Variants in CEP83 observed in about 807,000 individuals in gnomAD.
The protein encoded by CEP83 is centrosomal protein 83.
Under a neutral mutation model 101.9 loss-of-function variants are expected in CEP83, and 70 were observed. The observed-to-expected ratio is 0.69, with a 90% CI of 0.57 to 0.84. CEP83 has a LOEUF of 0.84. Ranked by LOEUF, CEP83 falls within the 40% of genes least tolerant of loss-of-function variation. The pLI, the probability that CEP83 is intolerant of heterozygous loss-of-function variation, is 0.00. For missense variants in CEP83, 715 were observed against 787.2 expected (o/e 0.91, Z 1.10); for synonymous variants, 264 against 267.9 (o/e 0.99, Z 0.14).
chr12:94,347,030 C>A (rs1360172108), intron 11 of CEP83, among the ~76,000 whole-genome samples: 3 of 126,160 alleles, frequency 2.4e-5, no homozygotes, highest in East Asian at 2.3e-4. Context: ...AGAGCAAGAT[C>A]CTGTATCAAA....
intron 16 of CEP83, 115 bp from the exon 17 acceptor site, chr12:94,309,032 C>G (rs1024766724): frequency 1.2e-5 from 8 of 689,516 alleles, no homozygotes; most frequent in African/African-American, 3.6e-5. Context: ...GAAATGCTGA[C>G]CACTGTAGCA....
intron 2 of CEP83, chr12:94,424,815 G>A (rs1031434800): frequency 1.6e-5 from 25 of 1,603,672 alleles, no homozygotes; most frequent in Non-Finnish European, 2.1e-5. Flanking sequence ...TTGCTCAGCT[G>A]GTCATTTCCA....
At position 94,347,652 on chromosome 12, in the gene CEP83, C is replaced by T. The variant is rs2060001911; in HGVS notation, c.1344-11988G>A. Among the ~76,000 whole-genome samples, 4 of 152,196 alleles carry T rather than the reference C, an allele frequency of 2.6e-5. No homozygotes were observed. In the South Asian group the frequency reaches 8.3e-4, roughly 32 times the overall value. ...ATTCATAATAGCCCCCAACTAAAAA[C>T]AACCCAACATTTGTCCAACAAAAGA... On this transcript the variant is annotated intron_variant, in intron 11 of 16. Transcript: ENST00000397809.
At chr12:94,334,163 C>T (rs1038828953) in intron 12 of CEP83, among the ~76,000 whole-genome samples, 6 of 152,164 alleles carry the variant, frequency 3.9e-5, no homozygotes, top group Non-Finnish European at 8.8e-5. Flanking sequence ...GGAAGGATCA[C>T]TCCTCACATT....
chr12:94,298,311 C>T, the CEP83 span, among the ~76,000 whole-genome samples: 1 of 152,172 alleles, frequency 6.6e-6, no homozygotes, highest in South Asian at 2.1e-4. Context: ...GCCAAATATC[C>T]ATGGCTTCCT....
At chr12:94,278,060 C>G in the CEP83 span, 5 of 455,908 alleles carry the variant, frequency 1.1e-5, no homozygotes, top group African/African-American at 2.0e-5. Context: ...TTGGAGCCCC[C>G]CCTCCCTCTG....
chr12:94,388,091 G>A (rs1014292933), intron 6 of CEP83, among the ~76,000 whole-genome samples: 4 of 152,148 alleles, frequency 2.6e-5, no homozygotes, highest in Non-Finnish European at 4.4e-5. Flanking sequence ...ATACTGAAAG[G>A]AGAGTAAATC....
chr12:94,327,302 C>T (rs1364877391), intron 14 of CEP83, among the ~76,000 whole-genome samples: 1 of 152,136 alleles, frequency 6.6e-6, no homozygotes, highest in African/African-American at 2.4e-5. Flanking sequence ...TTTCAATGAT[C>T]ATGTTAATGA....
At chr12:94,284,086 GGAAAAAA>G in the CEP83 span, among the ~76,000 whole-genome samples, 1 of 111,644 alleles carries the variant, frequency 9.0e-6, no homozygotes, top group African/African-American at 3.4e-5. Context: ...CCATGTCAGG[GGAAAAAA>G]AAAAAAAAAA....
Position 94,412,533 on chromosome 12 carries a change from C to T in CEP83, c.-43G>A. ...CTTTCTTACTGTTTTAGTTTTCTTT[C>T]CAAGGGTATTTCCCACTCCTTTCTT... On this transcript the variant is annotated 5_prime_UTR_variant, in exon 3 of 17. Coordinates refer to ENST00000397809, the MANE Select transcript of CEP83 (RefSeq NM_016122.3). The T allele has an allele frequency of 6.3e-7, 1 of 1,581,896 alleles. No homozygotes were observed. The highest frequency in any genetic ancestry group is 2.3e-5 in the East Asian group (1 of 43,988).
At chr12:94,424,279 T>C in intron 2 of CEP83, 5 of 1,614,168 alleles carry the variant, frequency 3.1e-6, no homozygotes, top group Non-Finnish European at 3.4e-6. Context: ...TTTGCACAAA[T>C]ATTCCTTGGT....
At chr12:94,386,990 CAAA>C in intron 6 of CEP83, among the ~76,000 whole-genome samples, 1 of 152,056 alleles carries the variant, frequency 6.6e-6, no homozygotes, top group Non-Finnish European at 1.5e-5. Flanking sequence ...ACAAAGTTGA[CAAA>C]AACAAACAAT....
At position 94,379,014 on chromosome 12, in the gene CEP83, T is replaced by C; in HGVS notation, c.578A>G (p.Glu193Gly). Residue 193 changes from glutamate to glycine, a missense_variant, in exon 7 of 17, where the codon GAA becomes GGA. By Grantham distance (98) the Glu-to-Gly change is moderately conservative. Transcript: ENST00000397809. ...AACATTAAGCAGCTGGTTACGTAGTTCTTCTTTATCTTCCTCCAGTCTTGC... is the reference window on the plus strand; with the variant it reads ...AACATTAAGCAGCTGGTTACGTAGTCCTTCTTTATCTTCCTCCAGTCTTGC... ...EIARLEEDKE[E>G]LRNQLLNVDL... is the part of the protein sequence containing the mutation. 2 of 1,610,184 alleles carry C rather than the reference T, an allele frequency of 1.2e-6. No homozygotes were observed. The highest frequency in any genetic ancestry group is 1.7e-6 in the Non-Finnish European group (2 of 1,177,210).
intron 10 of CEP83, 28 bp from the exon 11 acceptor site, chr12:94,367,971 C>T (rs777325451): frequency 2.2e-5 from 36 of 1,608,490 alleles, no homozygotes; most frequent in Non-Finnish European, 3.1e-5. Flanking sequence ...AATTATGTTA[C>T]AAGAACTATA....
At chr12:94,353,712 A>T (rs2060306637) in intron 11 of CEP83, among the ~76,000 whole-genome samples, 1 of 149,646 alleles carries the variant, frequency 6.7e-6, no homozygotes, top group Non-Finnish European at 1.5e-5. Flanking sequence ...AGACATACAT[A>T]GTCTGAAAAC....
At chr12:94,455,331 C>T (rs73372215) in intron 1 of CEP83, among the ~76,000 whole-genome samples, 11,614 of 152,214 alleles carry the variant, frequency 0.076, 538 homozygotes, top group African/African-American at 0.12. Context: ...GCAACTTCAT[C>T]AGGAAAATCC....
the CEP83 span, among the ~76,000 whole-genome samples, chr12:94,274,883 T>C: frequency 6.6e-6 from 1 of 152,218 alleles, no homozygotes; most frequent in African/African-American, 2.4e-5. Flanking sequence ...CAGGGTTGTT[T>C]CTGAGATTTA....
At chr12:94,396,904 T>C (rs979831914) in intron 6 of CEP83, among the ~76,000 whole-genome samples, 1 of 152,252 alleles carries the variant, frequency 6.6e-6, no homozygotes, top group Non-Finnish European at 1.5e-5. Flanking sequence ...CAGCTCTACT[T>C]TGAAGTTTTC....
chr12:94,436,589 T>G (rs538923082), intron 1 of CEP83, among the ~76,000 whole-genome samples: 19 of 152,080 alleles, frequency 1.2e-4, no homozygotes, highest in Admixed American at 2.0e-4. Context: ...TCCCAGCACC[T>G]CAGGAGGCTG....
Sources: allele counts gnomAD v4.1 joint callset (sites outside exome capture counted in the v4.1 genomes callset), GRCh38; gene constraint gnomAD v4.1.1; transcripts MANE v1.5; gene names NCBI Gene and HGNC (gene_info 2026-07-23, HGNC 2026-07-21).